ATRNL1: variants seen among roughly 807,000 people sequenced by gnomAD.
ATRNL1 encodes attractin-like protein 1.
A neutral mutation model predicts 182.7 loss-of-function variants in ATRNL1; 95 were observed. The observed-to-expected ratio is 0.52, with a 90% CI of 0.44 to 0.62. ATRNL1 has a LOEUF of 0.62. Among genes scored for constraint, ATRNL1 ranks in the 20% least tolerant of loss-of-function variants. The pLI, the probability that ATRNL1 is intolerant of heterozygous loss-of-function variation, is 0.00. For synonymous variants in ATRNL1, 576 were observed against 568.3 expected (o/e 1.01, Z -0.19); for missense variants, 1,471 against 1,679.5 (o/e 0.88, Z 2.17).
At chr10:115,664,077 C>G (rs1860860869) in intron 26 of ATRNL1, among the ~76,000 whole-genome samples, 1 of 152,116 alleles carries the variant, frequency 6.6e-6, no homozygotes, top group African/African-American at 2.4e-5. Flanking sequence ...CAATAGCATC[C>G]TTCCTTGATT....
intron 24 of ATRNL1, among the ~76,000 whole-genome samples, chr10:115,483,319 A>G (rs1364210296): frequency 6.6e-6 from 1 of 151,414 alleles, no homozygotes; most frequent in Non-Finnish European, 1.5e-5. Context: ...TGGGAAAAAA[A>G]TTGTTTAGAA....
chr10:115,723,915 GTTA>G (rs1947514282), intron 26 of ATRNL1, among the ~76,000 whole-genome samples: 3 of 152,078 alleles, frequency 2.0e-5, no homozygotes, highest in Admixed American at 6.6e-5. Flanking sequence ...TAGCAAAACA[GTTA>G]TTATGTACAA....
intron 26 of ATRNL1, among the ~76,000 whole-genome samples, chr10:115,606,442 AATATT>A (rs1486960509): frequency 6.6e-6 from 1 of 152,030 alleles, no homozygotes; most frequent in African/African-American, 2.4e-5. Context: ...ATAACACAAG[AATATT>A]ATATTCCATT....
At chr10:115,731,181 A>G (rs971431888) in intron 27 of ATRNL1, among the ~76,000 whole-genome samples, 1 of 152,190 alleles carries the variant, frequency 6.6e-6, no homozygotes, top group South Asian at 2.1e-4. Flanking sequence ...GTTGACACTC[A>G]GTATTAACCG....
At position 115,691,723 on chromosome 10, in the gene ATRNL1, AAATCAATC is replaced by A. The variant is rs201945195; in HGVS notation, c.3796-35504_3796-35497del. Among the ~76,000 whole-genome samples the A allele has an allele frequency of 7.9e-5, 12 of 152,112 alleles. No individual in the cohort carries two copies. The East Asian group carries it at 1.5e-3, about 20-fold the overall frequency. ...GGTGACAGAGGCAGACCCTGTCTAAAAATCAATCAATCAATCAATCAATCAATCTATTC... is the reference window on the plus strand; with the variant it reads ...GGTGACAGAGGCAGACCCTGTCTAAAAATCAATCAATCAATCAATCTATTC... On this transcript the variant is annotated intron_variant, in intron 26 of 28. Transcript: ENST00000355044.
chr10:115,582,197 G>A (rs1163230676), intron 26 of ATRNL1, among the ~76,000 whole-genome samples: 6 of 123,028 alleles, frequency 4.9e-5, no homozygotes, highest in African/African-American at 1.6e-4. Flanking sequence ...TAGTGCCGCA[G>A]TAAACATACG....
At chr10:115,287,673 T>C (rs963395799) in intron 15 of ATRNL1, among the ~76,000 whole-genome samples, 5 of 152,142 alleles carry the variant, frequency 3.3e-5, no homozygotes, top group Non-Finnish European at 7.4e-5. Context: ...GCATATCCAT[T>C]ATGTCAAACA....
chr10:115,689,191 T>G (rs1341776622), intron 26 of ATRNL1, among the ~76,000 whole-genome samples: 1 of 152,304 alleles, frequency 6.6e-6, no homozygotes, highest in Admixed American at 6.5e-5. Context: ...CATGCTGCCT[T>G]GTTTACCATA....
chr10:115,326,075 C>T (rs1384112585), intron 18 of ATRNL1, among the ~76,000 whole-genome samples: 1 of 151,570 alleles, frequency 6.6e-6, no homozygotes, highest in Non-Finnish European at 1.5e-5. Context: ...TGAAACAGTA[C>T]CTTGCCAGGG....
At chr10:115,775,538 A>G (rs1027941760) in intron 27 of ATRNL1, among the ~76,000 whole-genome samples, 10 of 152,240 alleles carry the variant, frequency 6.6e-5, no homozygotes, top group Non-Finnish European at 1.5e-5. Context: ...AGCAAAAGTT[A>G]TAATATTTGA....
chr10:115,105,924 C>T (rs1413210367), intron 1 of ATRNL1, among the ~76,000 whole-genome samples: 1 of 152,140 alleles, frequency 6.6e-6, no homozygotes, highest in African/African-American at 2.4e-5. Context: ...GGTTGGAGCC[C>T]CCACACAGAG....
chr10:115,398,655 G>A (rs1356168302), intron 20 of ATRNL1, among the ~76,000 whole-genome samples: 1 of 151,958 alleles, frequency 6.6e-6, no homozygotes, highest in Admixed American at 6.6e-5. Context: ...CTGCAAGCAG[G>A]GATAGTTTGA....
chr10:115,556,208 T>C (rs1443060120), intron 26 of ATRNL1, among the ~76,000 whole-genome samples: 1 of 152,126 alleles, frequency 6.6e-6, no homozygotes, highest in Non-Finnish European at 1.5e-5. Context: ...ACAGTACTTA[T>C]TCAACTATTG....
intron 24 of ATRNL1, among the ~76,000 whole-genome samples, chr10:115,510,474 C>T (rs1850332077): frequency 6.6e-6 from 1 of 151,984 alleles, no homozygotes; most frequent in African/African-American, 2.4e-5. Context: ...CAAGACCCTC[C>T]ACCAGCAAAA....
chr10:115,515,868 T>G (rs1850612168), intron 24 of ATRNL1, among the ~76,000 whole-genome samples: 1 of 151,884 alleles, frequency 6.6e-6, no homozygotes, highest in South Asian at 2.1e-4. Flanking sequence ...CACTACTTTC[T>G]TCTTGCAACA....
chr10:115,815,465 A>G (rs975604344), intron 27 of ATRNL1, among the ~76,000 whole-genome samples: 1 of 112,380 alleles, frequency 8.9e-6, no homozygotes, highest in Admixed American at 9.6e-5. Context: ...TGTAATATAG[A>G]ATATGCTAAA....
At chr10:115,608,333 A>G (rs1323606227) in intron 26 of ATRNL1, among the ~76,000 whole-genome samples, 4 of 152,052 alleles carry the variant, frequency 2.6e-5, no homozygotes, top group African/African-American at 9.6e-5. Context: ...CAGAAATCTG[A>G]ACTCTGGTGT....
chr10:115,291,004 GC>G (rs1852876354), intron 15 of ATRNL1, among the ~76,000 whole-genome samples: 1 of 152,166 alleles, frequency 6.6e-6, no homozygotes, highest in Admixed American at 6.5e-5. Context: ...AACATGCCTG[GC>G]CCCCAGGTAG....
chr10:115,230,870 T>TAAGAGAGAGAGAGAGA (rs1491454857), intron 9 of ATRNL1, among the ~76,000 whole-genome samples: 1 of 83,718 alleles, frequency 1.2e-5, no homozygotes, highest in Non-Finnish European at 2.2e-5. Context: ...ATAGAGTGGA[T>TAAGAGAGAGAGAGAGA]GAGAGAGAGA....
Sources: gnomAD v4.1 joint callset for allele counts (sites outside exome capture counted in the v4.1 genomes callset) on GRCh38, gnomAD v4.1.1 for gene constraint, MANE v1.5 for transcripts, NCBI Gene and HGNC (gene_info 2026-07-23, HGNC 2026-07-21) for gene names.